The following PEAR1 variants were observed in gnomAD, a reference collection of about 807,000 sequenced individuals.
PEAR1 encodes the protein platelet endothelial aggregation receptor 1.
In PEAR1, 113 loss-of-function variants were observed where a neutral mutation model predicts 131.2. The observed-to-expected ratio is 0.86, with a 90% confidence interval of 0.74 to 1.01. PEAR1 has a LOEUF of 1.01. Among genes scored for constraint, PEAR1 ranks in the 50% least tolerant of loss-of-function variants. The pLI, the probability that PEAR1 is intolerant of heterozygous loss-of-function variation, is 0.00. For missense variants in PEAR1, 1,408 were observed against 1,391.1 expected (o/e 1.01, Z -0.19); for synonymous variants, 565 against 523.3 (o/e 1.08, Z -1.09).
chr1:156,896,349 C>T (rs1301303002), intron 1 of PEAR1, among the ~76,000 whole-genome samples: 1 of 152,226 alleles, frequency 6.6e-6, no homozygotes, highest in East Asian at 1.9e-4. Context: ...TACCTCCCCA[C>T]ACTGCTTTGT....
intron 17 of PEAR1, 58 bp downstream of exon 17, chr1:156,912,680 C>G: frequency 6.2e-7 from 1 of 1,609,340 alleles, no homozygotes; most frequent in South Asian, 1.1e-5. Context: ...GGACCTAGGC[C>G]CCTCATACAG....
intron 2 of PEAR1, 41 bp downstream of exon 2, chr1:156,904,068 A>G: frequency 1.3e-6 from 2 of 1,522,032 alleles, no homozygotes; most frequent in Non-Finnish European, 9.1e-7. Flanking sequence ...ACCAAGCCCT[A>G]GCTCCCGATT....
At position 156,912,865 on chromosome 1, in the gene PEAR1, G is replaced by A; in HGVS notation, c.2305G>A (p.Val769Ile). The part of the protein sequence containing the change: ...IGIAVLGSLV[V>I]ALVALFIGYR... ...CATTGCAGTGCTGGGGTCCCTTGTG[G>A]TAGCCCTGGTGGCACTGTTCATTGG... is the stretch of plus-strand genomic sequence containing the variant. Residue 769 changes from valine (V) to isoleucine (I), a missense_variant, in exon 18 of 23, where the codon GTA becomes ATA. Transcript: ENST00000292357. The A allele has an allele frequency of 1.2e-6, 2 of 1,614,212 alleles. No individual in the cohort carries two copies. The highest frequency in any genetic ancestry group is 1.1e-5 in the South Asian group (1 of 91,086).
In PEAR1 at chr1:156,903,730, C is replaced by T. The variant is rs374514153; in HGVS notation, c.-9-188C>T. Among the ~76,000 whole-genome samples the T allele has an allele frequency of 5.3e-5, 8 of 152,254 alleles. 1 individual carries two copies. Among genetic ancestry groups the T allele is most frequent in the Middle Eastern group, 3.4e-3 (1 of 294 alleles). On this transcript the variant is annotated intron_variant, in intron 1 of 22. Coordinates refer to ENST00000292357, the MANE Select transcript of PEAR1 (RefSeq NM_001080471.3). ...GTCTAAGCAAACTATGAGCAAAGACCGGAGGCGTGGAAGTGACTGCAGTTC... is the reference window on the plus strand; with the variant it reads ...GTCTAAGCAAACTATGAGCAAAGACTGGAGGCGTGGAAGTGACTGCAGTTC...
At chr1:156,914,312 C>A (rs1314088338) in intron 22 of PEAR1, among the ~76,000 whole-genome samples, 1 of 152,176 alleles carries the variant, frequency 6.6e-6, no homozygotes, top group Non-Finnish European at 1.5e-5. Flanking sequence ...GGTGTACCTT[C>A]TTCGCAGAGC....
chr1:156,913,445 C>T lies in PEAR1; in HGVS notation c.2566C>T (p.Gln856Ter). 6.2e-7 allele frequency: 1 copy of T among 1,613,798 alleles called. No individual in the cohort carries two copies. The highest frequency in any genetic ancestry group is 2.2e-5 in the East Asian group (1 of 44,882). Residue 856 changes from glutamine to a stop codon, truncating the protein, a stop_gained, in exon 20 of 23, where the codon CAA becomes TAA. Transcript: ENST00000292357. LOFTEE classifies it high-confidence loss of function. ...LQNPERPGGA[Q>*]GHDNHTTLPA... ...GAACCCTGAGCGGCCAGGTGGGGCC[C>T]AAGGGCATGATAACCACACCACCCT...
At chr1:156,910,556 G>A in intron 14 of PEAR1, 62 bp from the exon 15 acceptor site, 2 of 1,591,394 alleles carry the variant, frequency 1.3e-6, no homozygotes, top group Non-Finnish European at 8.6e-7. Context: ...GGGAGACGGT[G>A]GGGTAAGGGC....
Position 156,912,900 on chromosome 1 carries a change from C to T in PEAR1, c.2340C>T (p.His780=), listed in dbSNP as rs1651397449. Reference sequence around the variant, plus strand: ...TGGCACTGTTCATTGGCTATCGGCACTGGCAAAAAGGCAAGGAGCACCACC... The same window carrying T: ...TGGCACTGTTCATTGGCTATCGGCATTGGCAAAAAGGCAAGGAGCACCACC... ...ALVALFIGYR[H]WQKGKEHHHL... Residue 780 remains histidine, a synonymous_variant, in exon 18 of 23, where the codon CAC becomes CAT. Coordinates refer to ENST00000292357, the MANE Select transcript of PEAR1 (RefSeq NM_001080471.3). The T allele has an allele frequency of 7.4e-6, 12 of 1,614,124 alleles. No individual in the cohort carries two copies. Among genetic ancestry groups the T allele is most frequent in the Non-Finnish European group, 1.0e-5 (12 of 1,180,048 alleles).
intron 13 of PEAR1, 23 bp downstream of exon 13, chr1:156,910,131 C>G: frequency 6.2e-7 from 1 of 1,613,984 alleles, no homozygotes; most frequent in Non-Finnish European, 8.5e-7. Flanking sequence ...GGGCCCCAGG[C>G]CTACTGTGGA....
At position 156,910,728 on chromosome 1, in the gene PEAR1, C is replaced by T; in HGVS notation, c.1936C>T (p.Pro646Ser). ...TCYCLAGWTG[P>S]DCSQPCPPGH... ...CTACTGCCTGGCTGGCTGGACAGGC[C>T]CCGACTGCTCCCAGCGTATGTGGTA... The change falls in exon 15 of 23, where the codon CCC (proline) becomes TCC (serine). Residue 646 changes from proline (P) to serine (S), a missense_variant. Coordinates refer to ENST00000292357, the MANE Select transcript of PEAR1 (RefSeq NM_001080471.3). 1 of 1,614,112 alleles carries T rather than the reference C, an allele frequency of 6.2e-7. No homozygotes were observed. The highest frequency in any genetic ancestry group is 1.1e-5 in the South Asian group (1 of 91,086).
chr1:156,908,147 G>T lies in PEAR1; in HGVS notation c.922G>T (p.Val308Leu), dbSNP rs1650579980. 6.3e-7 allele frequency: 1 copy of T among 1,598,960 alleles called. No homozygotes were observed. Among genetic ancestry groups the T allele is most frequent in the African/African-American group, 1.3e-5 (1 of 74,892 alleles). Reference protein sequence around the residue: ...TGDRCREECPVGRFGQDCAET... With the variant: ...TGDRCREECPLGRFGQDCAET... ...GCCCAGGTGCCGGGAGGAGTGCCCG[G>T]TGGGCCGCTTTGGGCAGGACTGTGC... Residue 308 changes from valine (V) to leucine (L), a missense_variant, in exon 9 of 23, where the codon GTG (valine) becomes TTG (leucine). By Grantham distance (32) the Val-to-Leu change is conservative (BLOSUM62 1). Coordinates refer to ENST00000292357, the MANE Select transcript of PEAR1 (RefSeq NM_001080471.3). This position sits in a 1 kb window ranked among gnomAD's most constrained non-coding sequence, Gnocchi z 4.2.
At position 156,913,490 on chromosome 1, in the gene PEAR1, C is replaced by A; in HGVS notation, c.2611C>A (p.Arg871Ser). 5 of 1,613,150 alleles carry A rather than the reference C, an allele frequency of 3.1e-6. No individual in the cohort carries two copies. The highest frequency in any genetic ancestry group is 4.2e-6 in the Non-Finnish European group (5 of 1,180,004). The change falls in exon 20 of 23, where the codon CGC (arginine) becomes AGC (serine). Residue 871 changes from arginine (R) to serine (S), a missense_variant. Arg to Ser is a moderately radical substitution (Grantham distance 110, BLOSUM62 -1). Coordinates refer to ENST00000292357, the MANE Select transcript of PEAR1 (RefSeq NM_001080471.3). ...CACCCTGCCTGCTGACTGGAAGCAC[C>A]GCCGGGAGCCCCCTCCAGGGCCTCT... is the stretch of plus-strand genomic sequence containing the variant. ...HTTLPADWKH[R>S]REPPPGPLDR...
chr1:156,914,863 G>A lies in PEAR1; in HGVS notation c.*65G>A. 6.4e-7 allele frequency: 1 copy of A among 1,568,874 alleles called. No homozygotes were observed. Among genetic ancestry groups the A allele is most frequent in the Non-Finnish European group, 8.7e-7 (1 of 1,150,194 alleles). ...GTTGCTGCTCAAGGCTGGGGACAGA[G>A]CCTAGTGTACCCCTGCCAGGAGCAG... On this transcript the variant is annotated 3_prime_UTR_variant, in exon 23 of 23. Transcript: ENST00000292357.
At chr1:156,911,041 CTT>C (rs1332639486) in intron 15 of PEAR1, among the ~76,000 whole-genome samples, 2 of 68,816 alleles carry the variant, frequency 2.9e-5, no homozygotes, top group Admixed American at 1.5e-4. Context: ...ATTTCTTTTT[CTT>C]TCTTTCTTTC....
chr1:156,914,214 CT>C, intron 22 of PEAR1, 114 bp downstream of exon 22: 1 of 1,434,312 alleles, frequency 7.0e-7, no homozygotes, highest in Non-Finnish European at 9.2e-7. Context: ...AGAGTGAGGC[CT>C]TTGGGGTCAG....
rs1217656041 is a variant in PEAR1, at chr1:156,908,348, G to A, written c.1115+8G>A. 5 of 1,504,170 alleles carry A rather than the reference G, an allele frequency of 3.3e-6. No individual in the cohort carries two copies. The highest frequency in any genetic ancestry group is 1.4e-5 in the African/African-American group (1 of 72,882). The allele number at this position is 1,504,170 out of a possible 1,614,324, so 93.2% of individuals were successfully genotyped here. ...CCGGGAGCACAGCCTCAGGTGGGCC[G>A]CGGGACATGTGGTCAAAGGATCAGG... On this transcript the variant is annotated splice_region_variant and intron_variant, in intron 9 of 22. Transcript: ENST00000292357. This position sits in a 1 kb window ranked among gnomAD's most constrained non-coding sequence, Gnocchi z 4.2.
rs1649830895 is a variant in PEAR1, at chr1:156,902,879, A to G, written c.-9-1039A>G. 6.6e-6 allele frequency among the ~76,000 whole-genome samples: 1 copy of G among 151,914 alleles called. No individual in the cohort carries two copies. Among genetic ancestry groups the G allele is most frequent in the South Asian group, 2.1e-4 (1 of 4,816 alleles). On this transcript the variant is annotated intron_variant, in intron 1 of 22. Transcript: ENST00000292357. This position sits in a 1 kb window ranked among gnomAD's most constrained non-coding sequence, Gnocchi z 4.3. ...GTGCTGGGAGCCAGGGGTGGTGGGG[A>G]TGGAGAGGACCCCATTTCCGAATGG... is the stretch of plus-strand genomic sequence containing the variant.
chr1:156,906,909 C>G, intron 6 of PEAR1, 29 bp downstream of exon 6: 1 of 1,604,826 alleles, frequency 6.2e-7, no homozygotes, highest in Non-Finnish European at 8.5e-7. Context: ...GACACTTTAA[C>G]AAGATCGCAG....
rs753953052 is a variant in PEAR1, at chr1:156,909,854, A to C, written c.1515A>C (p.Gln505His). 6.2e-7 allele frequency: 1 copy of C among 1,613,822 alleles called. No homozygotes were observed. Among genetic ancestry groups the C allele is most frequent in the South Asian group, 1.1e-5 (1 of 91,058 alleles). Residue 505 changes from glutamine (Q) to histidine (H), a missense_variant, in exon 12 of 23, where the codon CAA becomes CAC. Coordinates refer to ENST00000292357, the MANE Select transcript of PEAR1 (RefSeq NM_001080471.3). Reference sequence around the variant, plus strand: ...CCCATGAGGCAGTCTGCAGCCCCCAAACTGGAGCCTGTACCTGCACCCCTG... The same window carrying C: ...CCCATGAGGCAGTCTGCAGCCCCCACACTGGAGCCTGTACCTGCACCCCTG... ...QCAHEAVCSP[Q>H]TGACTCTPGW...
Sources: allele counts gnomAD v4.1 joint callset (sites outside exome capture counted in the v4.1 genomes callset), GRCh38; gene constraint gnomAD v4.1.1; non-coding constraint Gnocchi (gnomAD v3.1); transcripts MANE v1.5; gene names NCBI Gene and HGNC (gene_info 2026-07-23, HGNC 2026-07-21).